Variants in BRD4 observed in about 807,000 individuals in gnomAD.
BRD4 encodes bromodomain containing 4.
BRD4 carries 16 observed loss-of-function variants against 142.1 expected under a neutral mutation model. That is an observed-to-expected ratio of 0.11 (90% CI 0.08 to 0.17). The LOEUF (loss-of-function observed/expected upper bound fraction) is 0.17. BRD4 is among the 10% of genes least tolerant of loss of function. The probability of loss-of-function intolerance (pLI) is 1.00; values close to 1 mark genes in which losing one functional copy is unlikely to be tolerated. For missense variants in BRD4, 1,424 were observed against 1,810.9 expected, an observed-to-expected ratio of 0.79 and a Z score of 3.88; for synonymous variants, 833 against 707.5, an observed-to-expected ratio of 1.18 and a Z score of -2.82.
intron 11 of BRD4, among the ~76,000 whole-genome samples, chr19:15,251,807 G>A (rs945611923): frequency 5.3e-5 from 8 of 152,226 alleles, no homozygotes; most frequent in Non-Finnish European, 1.2e-4. Flanking sequence ...AGTGCACACA[G>A]AAGGCAAAGG....
intron 1 of BRD4, among the ~76,000 whole-genome samples, chr19:15,329,701 T>G (rs1225369884): frequency 1.3e-5 from 2 of 152,148 alleles, no homozygotes; most frequent in Non-Finnish European, 2.9e-5. Flanking sequence ...ATCGCACCAC[T>G]GCACTCCAGC....
Position 15,286,501 on chromosome 19 carries a change from C to T in BRD4, c.-34-13368G>A, listed in dbSNP as rs138015436. Among the ~76,000 whole-genome samples the T allele has an allele frequency of 9.8e-5, 15 of 152,288 alleles. No individual in the cohort carries two copies. In the East Asian group the frequency reaches 2.7e-3, roughly 27 times the overall value. ...CAGAAATACAATGTGGCTACTCATG[C>T]CATTTTAAAATTTCTAGGAGCCACA... On this transcript the variant is annotated intron_variant, in intron 1 of 19. Transcript: ENST00000679869.
chr19:15,285,473 G>T, intron 1 of BRD4, among the ~76,000 whole-genome samples: 1 of 152,174 alleles, frequency 6.6e-6, no homozygotes, highest in East Asian at 1.9e-4. Context: ...GCCAAGGAGG[G>T]AGGATCGCTT....
intron 1 of BRD4, among the ~76,000 whole-genome samples, chr19:15,315,297 G>A (rs1472697357): frequency 6.6e-6 from 1 of 152,142 alleles, no homozygotes; most frequent in African/African-American, 2.4e-5. Context: ...CTAGCACAGG[G>A]GTATTAGGAT....
At chr19:15,291,064 C>A (rs1335959938) in intron 1 of BRD4, among the ~76,000 whole-genome samples, 1 of 152,098 alleles carries the variant, frequency 6.6e-6, no homozygotes, top group African/African-American at 2.4e-5. Flanking sequence ...TAACTGTGAC[C>A]TGACCATTGC....
chr19:15,266,745 A>G (rs1000384686), intron 4 of BRD4, among the ~76,000 whole-genome samples: 1 of 152,210 alleles, frequency 6.6e-6, no homozygotes, highest in Non-Finnish European at 1.5e-5. Flanking sequence ...TGCTCAGAGA[A>G]GCAAACAACT....
At chr19:15,278,995 G>A (rs2047679765) in intron 1 of BRD4, among the ~76,000 whole-genome samples, 1 of 152,068 alleles carries the variant, frequency 6.6e-6, no homozygotes, top group African/African-American at 2.4e-5. Flanking sequence ...GCATGCGCCT[G>A]CACGCCTGGC....
At chr19:15,303,250 A>AG (rs2047886738) in intron 1 of BRD4, among the ~76,000 whole-genome samples, 1 of 152,220 alleles carries the variant, frequency 6.6e-6, no homozygotes, top group South Asian at 2.1e-4. Flanking sequence ...GTTTATGTAC[A>AG]GACAGTTAAT....
At chr19:15,241,893 A>G (rs1005197041) in intron 14 of BRD4, among the ~76,000 whole-genome samples, 8 of 148,832 alleles carry the variant, frequency 5.4e-5, no homozygotes, top group Non-Finnish European at 8.9e-5. Flanking sequence ...GCTCACTGCA[A>G]CCTCCGCCTC....
In BRD4 at chr19:15,237,945, T is replaced by G. The variant is rs200681653; in HGVS notation, c.*432A>C. 1.2e-5 allele frequency: 3 copies of G among 240,664 alleles called. No individual in the cohort carries two copies. Among genetic ancestry groups the G allele is most frequent in the Admixed American group, 5.5e-5 (1 of 18,342 alleles). 14.9% of individuals were successfully genotyped at this position (240,664 alleles called of 1,614,324 possible). A position where few individuals can be genotyped will look rare whatever the true frequency, so the allele number is the denominator to read the frequency against. On this transcript the variant is annotated 3_prime_UTR_variant, in exon 20 of 20. Transcript: ENST00000679869. Reference sequence around the variant, plus strand: ...CCTCCTGGGAGCGGGCGGCGATGGCTGGGGTGTGGGGAAAGACTCCCGGCG... The same window carrying G: ...CCTCCTGGGAGCGGGCGGCGATGGCGGGGGTGTGGGGAAAGACTCCCGGCG...
In BRD4 at chr19:15,272,948, G is replaced by A. The variant is rs750187537; in HGVS notation, c.152C>T (p.Ser51Phe). 1 of 1,614,198 alleles carries A rather than the reference G, an allele frequency of 6.2e-7. No individual in the cohort carries two copies. Among genetic ancestry groups the A allele is most frequent in the African/African-American group, 1.3e-5 (1 of 75,058 alleles). ...ASTNPPPPET[S>F]NPNKPKRQTN... ...CTGCCTCTTGGGCTTGTTAGGGTTG[G>A]AGGTCTCTGGGGGCGGGGGGTTGGT... The change falls in exon 2 of 20, where the codon TCC becomes TTC. Residue 51 changes from serine to phenylalanine, a missense_variant. Ser to Phe is a radical substitution (Grantham distance 155, BLOSUM62 -2). Coordinates refer to ENST00000679869, the MANE Select transcript of BRD4 (RefSeq NM_001379291.1).
chr19:15,263,368 C>G lies in BRD4; in HGVS notation c.1341+52G>C, dbSNP rs955979869. ...CAAGGCCCACAGAAGTCTGCTCCCA[C>G]GAGGACCTCAGCCTGCTCTGCTGAG... On this transcript the variant is annotated intron_variant, in intron 7 of 19. Transcript: ENST00000679869. 17 of 1,584,474 alleles carry G rather than the reference C, an allele frequency of 1.1e-5. No individual in the cohort carries two copies. The East Asian group carries it at 2.5e-4, about 23-fold the overall frequency.
rs201236634 is a variant in BRD4 at position 15,238,163 on chromosome 19, G to A, written c.*214C>T. 272 of 678,974 alleles carry A rather than the reference G, an allele frequency of 4.0e-4. No individual in the cohort carries two copies. Among genetic ancestry groups the A allele is most frequent in the Middle Eastern group, 8.6e-4 (2 of 2,336 alleles). The allele number at this position is 678,974 out of a possible 1,614,324, so 42.1% of individuals were successfully genotyped here. ...GTGCTGAGCGGACGTCCTGTGAGGG[G>A]TGGTGGGTGGCGGGACGTCTGTCCG... is the stretch of plus-strand genomic sequence containing the variant. On this transcript the variant is annotated 3_prime_UTR_variant, in exon 20 of 20. Coordinates refer to ENST00000679869, the MANE Select transcript of BRD4 (RefSeq NM_001379291.1). The surrounding 1 kb of genome is among the most constrained non-coding windows in gnomAD (Gnocchi z 7.2).
chr19:15,305,356 TTAA>T (rs1459668908), intron 1 of BRD4, among the ~76,000 whole-genome samples: 10 of 152,334 alleles, frequency 6.6e-5, no homozygotes, highest in Non-Finnish European at 5.9e-5. Context: ...ATGTTATTTC[TTAA>T]TAATAAGACT....
chr19:15,244,907 A>C, intron 11 of BRD4, 145 bp from the exon 12 acceptor site: 2 of 1,421,648 alleles, frequency 1.4e-6, no homozygotes, highest in Non-Finnish European at 1.9e-6. Flanking sequence ...ATGAGGGATG[A>C]GTTGGTCATC....
chr19:15,250,335 A>G (rs1304732653), intron 11 of BRD4, among the ~76,000 whole-genome samples: 2 of 152,124 alleles, frequency 1.3e-5, no homozygotes, highest in Non-Finnish European at 2.9e-5. Flanking sequence ...CCCCTAGGTA[A>G]GCGCCACACT....
At chr19:15,313,017 A>G (rs2047985849) in intron 1 of BRD4, among the ~76,000 whole-genome samples, 1 of 151,956 alleles carries the variant, frequency 6.6e-6, no homozygotes, top group Admixed American at 6.6e-5. Context: ...GGTTGCCATG[A>G]GCCAAGACTG....
chr19:15,249,818 C>A (rs1459595006), intron 11 of BRD4, among the ~76,000 whole-genome samples: 3 of 152,110 alleles, frequency 2.0e-5, no homozygotes, highest in African/African-American at 7.2e-5. Flanking sequence ...ATGCAGGACC[C>A]CCAGTGGAGG....
intron 1 of BRD4, among the ~76,000 whole-genome samples, chr19:15,312,071 G>C (rs1047489389): frequency 5.3e-5 from 8 of 152,206 alleles, no homozygotes; most frequent in Non-Finnish European, 7.3e-5. Flanking sequence ...AAACACATGC[G>C]TGTGCATGTA....
Sources: gnomAD v4.1 joint callset for allele counts (sites outside exome capture counted in the v4.1 genomes callset) on GRCh38, gnomAD v4.1.1 for gene constraint, Gnocchi (gnomAD v3.1) non-coding constraint, MANE v1.5 for transcripts, NCBI Gene and HGNC (gene_info 2026-07-23, HGNC 2026-07-21) for gene names.